The following PDZRN3 variants were observed in gnomAD, a reference collection of about 807,000 sequenced individuals.
PDZRN3 encodes the protein E3 ubiquitin-protein ligase PDZRN3.
PDZRN3 carries 38 observed loss-of-function variants against 85.7 expected under a neutral mutation model. The ratio of observed to expected loss-of-function variants is 0.44; its 90% CI spans 0.34 to 0.58. The LOEUF (loss-of-function observed/expected upper bound fraction) is 0.58, where lower values mean the gene tolerates loss of function less well. PDZRN3 is among the 20% of genes least tolerant of loss of function. The probability of loss-of-function intolerance (pLI) is 0.01; values close to 1 mark genes in which losing one functional copy is unlikely to be tolerated. For missense variants in PDZRN3, 1,629 were observed against 1,506.4 expected (o/e 1.08, Z -1.35); for synonymous variants, 759 against 638.0 (o/e 1.19, Z -2.86).
At chr3:73,531,179 A>T (rs1575714136) in intron 3 of PDZRN3, among the ~76,000 whole-genome samples, 1 of 133,410 alleles carries the variant, frequency 7.5e-6, no homozygotes, top group African/African-American at 2.8e-5. Flanking sequence ...TGAACCCGGG[A>T]GGCGGAGCTT....
intron 3 of PDZRN3, among the ~76,000 whole-genome samples, chr3:73,535,508 A>G (rs915377715): frequency 2.0e-5 from 3 of 152,224 alleles, no homozygotes; most frequent in Non-Finnish European, 4.4e-5. Context: ...ATGGGCTATC[A>G]GTGCCCCTAT....
At chr3:73,559,621 C>T (rs1452975441) in intron 3 of PDZRN3, among the ~76,000 whole-genome samples, 2 of 152,158 alleles carry the variant, frequency 1.3e-5, no homozygotes, top group African/African-American at 4.8e-5. Context: ...TCAAGGCCAC[C>T]TTCTAGTTAC....
At chr3:73,459,645 G>A (rs886208750) in intron 3 of PDZRN3, among the ~76,000 whole-genome samples, 4 of 152,116 alleles carry the variant, frequency 2.6e-5, no homozygotes, top group African/African-American at 9.7e-5. Flanking sequence ...TAAGGATAAT[G>A]CCCCCCAACT....
chr3:73,452,602 C>T (rs1159205572), intron 3 of PDZRN3, among the ~76,000 whole-genome samples: 2 of 152,294 alleles, frequency 1.3e-5, no homozygotes, highest in East Asian at 3.9e-4. Context: ...ATCTCATCCA[C>T]CATCCTAACT....
chr3:73,466,568 G>A (rs1028474770), intron 3 of PDZRN3, among the ~76,000 whole-genome samples: 3 of 152,120 alleles, frequency 2.0e-5, no homozygotes, highest in Non-Finnish European at 4.4e-5. Flanking sequence ...AGTCTATTCA[G>A]TTTAGGATGG....
At chr3:73,463,564 T>C (rs1703149615) in intron 3 of PDZRN3, among the ~76,000 whole-genome samples, 1 of 152,168 alleles carries the variant, frequency 6.6e-6, no homozygotes, top group African/African-American at 2.4e-5. Context: ...AAAGGAACAC[T>C]TTTACACTGT....
At chr3:73,537,192 C>G (rs1223383308) in intron 3 of PDZRN3, among the ~76,000 whole-genome samples, 1 of 152,164 alleles carries the variant, frequency 6.6e-6, no homozygotes, top group African/African-American at 2.4e-5. Context: ...CCATAAAAAT[C>G]TCCCCTGTTG....
intron 3 of PDZRN3, among the ~76,000 whole-genome samples, chr3:73,591,364 T>TC (rs966510631): frequency 1.3e-5 from 2 of 152,228 alleles, no homozygotes; most frequent in African/African-American, 4.8e-5. Flanking sequence ...ACCATGTTGT[T>TC]CACACTAAGA....
intron 3 of PDZRN3, among the ~76,000 whole-genome samples, chr3:73,449,639 T>A (rs967904438): frequency 1.3e-5 from 2 of 152,214 alleles, no homozygotes. Flanking sequence ...TAAAATTACA[T>A]AGCATTCGGT....
chr3:73,445,249 G>T (rs1021427846), intron 3 of PDZRN3, among the ~76,000 whole-genome samples: 2 of 152,174 alleles, frequency 1.3e-5, no homozygotes, highest in Non-Finnish European at 2.9e-5. Flanking sequence ...TTCAGGACAT[G>T]CCCTCGTAGT....
At chr3:73,426,635 A>C (rs905950818) in intron 3 of PDZRN3, among the ~76,000 whole-genome samples, 3 of 152,168 alleles carry the variant, frequency 2.0e-5, no homozygotes, top group Non-Finnish European at 4.4e-5. Flanking sequence ...ATCTGTCAGA[A>C]GGCTTAGGTC....
At chr3:73,562,587 G>A (rs2106831758) in intron 3 of PDZRN3, among the ~76,000 whole-genome samples, 1 of 152,184 alleles carries the variant, frequency 6.6e-6, no homozygotes, top group African/African-American at 2.4e-5. Context: ...ATTTACCAAG[G>A]TCAGCCCCGT....
At chr3:73,412,238 A>G (rs1701988760) in intron 3 of PDZRN3, among the ~76,000 whole-genome samples, 1 of 152,192 alleles carries the variant, frequency 6.6e-6, no homozygotes, top group Non-Finnish European at 1.5e-5. Flanking sequence ...GCCTTTATGA[A>G]GGCCGCTTTA....
At chr3:73,437,151 TATTC>T (rs1480902650) in intron 3 of PDZRN3, among the ~76,000 whole-genome samples, 2 of 152,188 alleles carry the variant, frequency 1.3e-5, no homozygotes, top group South Asian at 2.1e-4. Flanking sequence ...ATTTTAAATT[TATTC>T]ATTAATTCAT....
rs575492270 is a variant in PDZRN3 at position 73,592,272 on chromosome 3, T to C, written c.918+10082A>G. On this transcript the variant is annotated intron_variant, in intron 3 of 9. Coordinates refer to ENST00000263666, the MANE Select transcript of PDZRN3 (RefSeq NM_015009.3). ...AAAAACCTGTCTTTTTAAATTAGAC[T>C]GTCAATTTTGCTCCACCCCAGAGTG... 4.5e-4 allele frequency among the ~76,000 whole-genome samples: 68 copies of C among 152,322 alleles called. 1 individual carries two copies. The South Asian group carries it at 0.013, about 30-fold the overall frequency.
At chr3:73,530,210 A>G (rs551033951) in intron 3 of PDZRN3, among the ~76,000 whole-genome samples, 1 of 152,322 alleles carries the variant, frequency 6.6e-6, no homozygotes, top group East Asian at 1.9e-4. Context: ...TAACGCTGGA[A>G]TGCTGGAACA....
At chr3:73,411,111 T>C (rs1329718457) in intron 3 of PDZRN3, among the ~76,000 whole-genome samples, 2 of 152,226 alleles carry the variant, frequency 1.3e-5, no homozygotes, top group African/African-American at 4.8e-5. Context: ...CTTAAGCTTA[T>C]TCTAGACCAT....
chr3:73,609,680 T>A (rs749478758), intron 1 of PDZRN3, among the ~76,000 whole-genome samples: 1 of 152,352 alleles, frequency 6.6e-6, no homozygotes, highest in East Asian at 1.9e-4. Context: ...AAATATTTAA[T>A]AAGCTGTTTT....
intron 3 of PDZRN3, among the ~76,000 whole-genome samples, chr3:73,435,829 G>C (rs537246865): frequency 6.6e-6 from 1 of 152,144 alleles, no homozygotes; most frequent in Admixed American, 6.5e-5. Flanking sequence ...TGACTCCACC[G>C]TTTGCTGAAA....
Sources: allele counts gnomAD v4.1 joint callset (sites outside exome capture counted in the v4.1 genomes callset), GRCh38; gene constraint gnomAD v4.1.1; transcripts MANE v1.5; gene names NCBI Gene and HGNC (gene_info 2026-07-23, HGNC 2026-07-21).